Variants in HSD17B12 observed in about 807,000 individuals in gnomAD.
HSD17B12 encodes very-long-chain 3-oxoacyl-CoA reductase.
Under a neutral mutation model 39.3 loss-of-function variants are expected in HSD17B12, and 32 were observed. That is an observed-to-expected ratio of 0.81 (90% confidence interval 0.61 to 1.09). The LOEUF is 1.09. Ranked by LOEUF, HSD17B12 falls within the 50% of genes least tolerant of loss-of-function variation. The pLI is 0.00. For synonymous variants in HSD17B12, 150 were observed against 146.7 expected (o/e 1.02, Z -0.16); for missense variants, 342 against 382.9 (o/e 0.89, Z 0.89).
the HSD17B12 span, chr11:43,576,732 G>C: frequency 6.6e-6 from 1 of 152,200 alleles, no homozygotes. Flanking sequence ...AGGATAGTGG[G>C]ACTGACTAGG....
chr11:43,634,105 A>G, the HSD17B12 span, among the ~76,000 whole-genome samples: 1 of 140,228 alleles, frequency 7.1e-6, no homozygotes, highest in African/African-American at 2.7e-5. Flanking sequence ...AAAAAAAAAA[A>G]AAAAGAAAGA....
At chr11:43,623,893 A>G in the HSD17B12 span, among the ~76,000 whole-genome samples, 11 of 152,084 alleles carry the variant, frequency 7.2e-5, no homozygotes, top group Non-Finnish European at 1.2e-4. Context: ...CATGTGGAAT[A>G]TAGTAAGAAT....
chr11:43,590,325 A>C, the HSD17B12 span, among the ~76,000 whole-genome samples: 1 of 151,446 alleles, frequency 6.6e-6, no homozygotes, highest in East Asian at 1.9e-4. Flanking sequence ...GGGTCAGTTA[A>C]ATTGCAATGA....
chr11:43,655,292 A>C, the HSD17B12 span, among the ~76,000 whole-genome samples: 2 of 152,204 alleles, frequency 1.3e-5, no homozygotes, highest in South Asian at 4.1e-4. Flanking sequence ...TTATCAGCTT[A>C]AGGAGATTTT....
intron 3 of HSD17B12, among the ~76,000 whole-genome samples, chr11:43,793,555 T>G (rs1950888729): frequency 1.3e-5 from 2 of 152,218 alleles, no homozygotes; most frequent in Admixed American, 6.5e-5. Context: ...GCCAATTTGT[T>G]GAGCAAAATG....
At chr11:43,741,764 C>T (rs1224825138) in intron 1 of HSD17B12, among the ~76,000 whole-genome samples, 17 of 134,786 alleles carry the variant, frequency 1.3e-4, no homozygotes, top group African/African-American at 3.0e-4. Flanking sequence ...GACGGGGTCT[C>T]GCTTTGTCGC....
the HSD17B12 span, among the ~76,000 whole-genome samples, chr11:43,557,867 G>C: frequency 2.3e-3 from 350 of 151,048 alleles, no homozygotes; most frequent in Non-Finnish European, 4.2e-3. Flanking sequence ...GTGCTGTAAC[G>C]GGGGGGAGCC....
At chr11:43,723,096 T>C (rs1950189709) in intron 1 of HSD17B12, among the ~76,000 whole-genome samples, 1 of 152,168 alleles carries the variant, frequency 6.6e-6, no homozygotes, top group African/African-American at 2.4e-5. Context: ...GGAGAATTAA[T>C]TCATTTTTAC....
chr11:43,640,607 A>T, the HSD17B12 span, among the ~76,000 whole-genome samples: 1 of 152,180 alleles, frequency 6.6e-6, no homozygotes, highest in Non-Finnish European at 1.5e-5. Flanking sequence ...TAGAAACTAT[A>T]TATAAAATAA....
chr11:43,565,199 G>A, the HSD17B12 span, among the ~76,000 whole-genome samples: 4 of 152,058 alleles, frequency 2.6e-5, no homozygotes, highest in Non-Finnish European at 4.4e-5. Context: ...CATGCCCAGC[G>A]AGTCTTTCTT....
intron 1 of HSD17B12, among the ~76,000 whole-genome samples, chr11:43,728,388 A>G (rs1275075507): frequency 2.0e-5 from 3 of 152,218 alleles, no homozygotes; most frequent in Non-Finnish European, 4.4e-5. Context: ...ACTAATATAC[A>G]GAATATAATT....
chr11:43,578,386 G>A, the HSD17B12 span, among the ~76,000 whole-genome samples: 1 of 152,170 alleles, frequency 6.6e-6, no homozygotes, highest in Non-Finnish European at 1.5e-5. Flanking sequence ...ATGAGAGGGT[G>A]GGTGAGTTAT....
At chr11:43,729,037 C>G (rs981114031) in intron 1 of HSD17B12, among the ~76,000 whole-genome samples, 1 of 152,084 alleles carries the variant, frequency 6.6e-6, no homozygotes, top group Non-Finnish European at 1.5e-5. Flanking sequence ...TATTTAGTGG[C>G]CCCTTATGGT....
the HSD17B12 span, among the ~76,000 whole-genome samples, chr11:43,642,101 T>A: frequency 1.3e-5 from 2 of 151,788 alleles, no homozygotes; most frequent in Admixed American, 6.6e-5. Context: ...AAATATTTTT[T>A]AAATCTTAGT....
intron 1 of HSD17B12, among the ~76,000 whole-genome samples, chr11:43,713,344 G>C (rs1227452107): frequency 7.2e-6 from 1 of 139,506 alleles, no homozygotes; most frequent in Non-Finnish European, 1.5e-5. Flanking sequence ...TGTTCTCATT[G>C]TTCAATTCCC....
At chr11:43,747,105 A>G (rs1365122264) in intron 1 of HSD17B12, among the ~76,000 whole-genome samples, 2 of 152,242 alleles carry the variant, frequency 1.3e-5, no homozygotes, top group East Asian at 3.8e-4. Context: ...AAACTGTCCA[A>G]GTCTTGCGTG....
At chr11:43,603,207 TA>T in the HSD17B12 span, among the ~76,000 whole-genome samples, 1 of 152,190 alleles carries the variant, frequency 6.6e-6, no homozygotes, top group Non-Finnish European at 1.5e-5. Context: ...CAGAGGACAG[TA>T]ATATCTGAAG....
At chr11:43,792,055 A>T (rs1440291093) in intron 3 of HSD17B12, among the ~76,000 whole-genome samples, 1 of 152,200 alleles carries the variant, frequency 6.6e-6, no homozygotes, top group Non-Finnish European at 1.5e-5. Context: ...CAGATCAATT[A>T]TTCCCTTCTG....
intron 1 of HSD17B12, among the ~76,000 whole-genome samples, chr11:43,720,992 C>T (rs1160429678): frequency 6.6e-6 from 1 of 151,892 alleles, no homozygotes; most frequent in Non-Finnish European, 1.5e-5. Flanking sequence ...TGATTTACTC[C>T]CTTTCATGAC....
Sources: gnomAD v4.1 joint callset for allele counts (sites outside exome capture counted in the v4.1 genomes callset) on GRCh38, gnomAD v4.1.1 for gene constraint, MANE v1.5 for transcripts, NCBI Gene and HGNC (gene_info 2026-07-23, HGNC 2026-07-21) for gene names.